The following SORCS1 variants were observed in gnomAD, a reference collection of about 807,000 sequenced individuals.
SORCS1 encodes the protein sortilin related VPS10 domain containing receptor 1.
A neutral mutation model predicts 146.1 loss-of-function variants in SORCS1; 60 were observed. That is an observed-to-expected ratio of 0.41 (90% CI 0.33 to 0.51). SORCS1 has a LOEUF of 0.51. SORCS1 is among the 20% of genes least tolerant of loss of function. SORCS1 has a pLI of 0.21. For missense variants in SORCS1, 1,352 were observed against 1,487.6 expected (o/e 0.91, Z 1.50); for synonymous variants, 637 against 584.0 (o/e 1.09, Z -1.31).
chr10:106,797,584 T>C lies in SORCS1; in HGVS notation c.727-20892A>G, dbSNP rs115992440. Among the ~76,000 whole-genome samples the C allele has an allele frequency of 3.8e-3, 577 of 151,826 alleles. 7 individuals are homozygous for C. The highest frequency in any genetic ancestry group is 0.014 in the African/African-American group (562 of 41,454). Reference sequence around the variant, plus strand: ...GGGTAGAAACAACCAACCAGGTGCATTCATGAATTTTTAAACCAGGTCTGC... The same window carrying C: ...GGGTAGAAACAACCAACCAGGTGCACTCATGAATTTTTAAACCAGGTCTGC... On this transcript the variant is annotated intron_variant, in intron 3 of 25. Coordinates refer to ENST00000263054, the MANE Select transcript of SORCS1 (RefSeq NM_052918.5).
At chr10:106,797,640 G>C (rs772362975) in intron 3 of SORCS1, among the ~76,000 whole-genome samples, 3 of 151,992 alleles carry the variant, frequency 2.0e-5, no homozygotes, top group Non-Finnish European at 4.4e-5. Flanking sequence ...ACCTCTCCAA[G>C]CACGCTTGGG....
intron 1 of SORCS1, among the ~76,000 whole-genome samples, chr10:107,163,360 C>T (rs600879): frequency 0.16 from 24,343 of 152,122 alleles, 2,742 homozygotes; most frequent in African/African-American, 0.33. Context: ...CCTCGCTTAG[C>T]GCTGTTAGAA....
chr10:107,048,199 A>C (rs2134031094), intron 1 of SORCS1, among the ~76,000 whole-genome samples: 1 of 152,262 alleles, frequency 6.6e-6, no homozygotes, highest in South Asian at 2.1e-4. Flanking sequence ...TTAACACCAT[A>C]TTTTAGTTAT....
chr10:106,907,843 C>T (rs1446594124), intron 2 of SORCS1, among the ~76,000 whole-genome samples: 1 of 151,512 alleles, frequency 6.6e-6, no homozygotes, highest in African/African-American at 2.4e-5. Flanking sequence ...AGGAGAATCG[C>T]TTGAACCTAG....
chr10:106,842,952 A>G (rs1000074692), intron 2 of SORCS1, among the ~76,000 whole-genome samples: 3 of 152,120 alleles, frequency 2.0e-5, no homozygotes, highest in Admixed American at 2.0e-4. Context: ...ATGTGTGTGT[A>G]TGTATTTCCC....
chr10:107,033,892 G>C (rs1349176430), intron 1 of SORCS1, among the ~76,000 whole-genome samples: 1 of 152,182 alleles, frequency 6.6e-6, no homozygotes, highest in Non-Finnish European at 1.5e-5. Flanking sequence ...AGGGAGCCTA[G>C]AGCTGGTGAG....
chr10:107,154,501 T>G (rs944465580), intron 1 of SORCS1, among the ~76,000 whole-genome samples: 5 of 152,040 alleles, frequency 3.3e-5, no homozygotes, highest in African/African-American at 1.2e-4. Context: ...TACAAAGTTA[T>G]AGGTTGTTCA....
intron 1 of SORCS1, among the ~76,000 whole-genome samples, chr10:107,112,994 A>C (rs1179664700): frequency 6.6e-6 from 1 of 152,204 alleles, no homozygotes; most frequent in Admixed American, 6.5e-5. Context: ...GAACAACACT[A>C]TAAAACAAAT....
intron 3 of SORCS1, among the ~76,000 whole-genome samples, chr10:106,784,958 T>G (rs1239728278): frequency 2.0e-5 from 3 of 152,146 alleles, no homozygotes; most frequent in African/African-American, 7.2e-5. Flanking sequence ...AAATGAAAAG[T>G]CCATAGACAT....
intron 20 of SORCS1, 180 bp downstream of exon 20, chr10:106,620,248 C>CAGAGAG (rs112818359): frequency 6.8e-6 from 4 of 586,662 alleles, no homozygotes; most frequent in East Asian, 7.0e-5. Flanking sequence ...GGAGAGGGGC[C>CAGAGAG]AGAGAGAGAG....
At chr10:106,758,264 T>C (rs539469365) in intron 5 of SORCS1, among the ~76,000 whole-genome samples, 2 of 152,316 alleles carry the variant, frequency 1.3e-5, no homozygotes, top group Non-Finnish European at 2.9e-5. Context: ...GTTATAATAA[T>C]GCATAAATAA....
At chr10:107,124,035 C>T (rs1422381279) in intron 1 of SORCS1, among the ~76,000 whole-genome samples, 1 of 150,008 alleles carries the variant, frequency 6.7e-6, no homozygotes, top group African/African-American at 2.5e-5. Flanking sequence ...TGCAGTGAGC[C>T]GAGGTCCTGC....
chr10:106,631,276 A>C (rs1187993040), intron 18 of SORCS1, among the ~76,000 whole-genome samples: 1 of 152,228 alleles, frequency 6.6e-6, no homozygotes, highest in East Asian at 1.9e-4. Context: ...AATTCCATTC[A>C]AAACTACAAA....
rs1393105133 is a variant in SORCS1 at position 106,956,506 on chromosome 10, T to C, written c.626+7A>G. 6.2e-7 allele frequency: 1 copy of C among 1,613,436 alleles called. No individual in the cohort carries two copies. Among genetic ancestry groups the C allele is most frequent in the Non-Finnish European group, 8.5e-7 (1 of 1,179,458 alleles). Reference sequence around the variant, plus strand: ...ACGGTAATTATTAGCTCCATTTATCTACATACCTCCAAAGCGAGCTCTCTG... The same window carrying C: ...ACGGTAATTATTAGCTCCATTTATCCACATACCTCCAAAGCGAGCTCTCTG... On this transcript the variant is annotated splice_region_variant and intron_variant, in intron 2 of 25. Transcript: ENST00000263054.
At chr10:107,015,254 G>A (rs1957850915) in intron 1 of SORCS1, among the ~76,000 whole-genome samples, 1 of 152,160 alleles carries the variant, frequency 6.6e-6, no homozygotes, top group Admixed American at 6.5e-5. Flanking sequence ...CAAGACCTCT[G>A]CTGTTGTGGA....
intron 1 of SORCS1, among the ~76,000 whole-genome samples, chr10:107,075,804 C>T (rs758430086): frequency 2.0e-5 from 3 of 151,942 alleles, no homozygotes; most frequent in African/African-American, 7.3e-5. Context: ...GGGTGTGTTC[C>T]CATCAAGAAA....
intron 1 of SORCS1, among the ~76,000 whole-genome samples, chr10:107,024,080 A>G (rs1314396537): frequency 6.6e-6 from 1 of 151,206 alleles, no homozygotes; most frequent in Non-Finnish European, 1.5e-5. Flanking sequence ...AGGCTGAGAC[A>G]GGAGAATCGC....
chr10:106,804,664 G>A (rs959836797), intron 3 of SORCS1, among the ~76,000 whole-genome samples: 1 of 152,138 alleles, frequency 6.6e-6, no homozygotes, highest in Non-Finnish European at 1.5e-5. Context: ...ATATTTTTCA[G>A]TAGAAGATAA....
chr10:106,651,504 A>G (rs1438385835), intron 18 of SORCS1, among the ~76,000 whole-genome samples: 3 of 152,198 alleles, frequency 2.0e-5, no homozygotes, highest in Admixed American at 6.5e-5. Flanking sequence ...TTTCTTATAC[A>G]TGGTAAAAAC....
Sources: allele counts gnomAD v4.1 joint callset (sites outside exome capture counted in the v4.1 genomes callset), GRCh38; gene constraint gnomAD v4.1.1; transcripts MANE v1.5; gene names NCBI Gene and HGNC (gene_info 2026-07-23, HGNC 2026-07-21).